Variants in SNX29 observed in about 807,000 individuals in gnomAD.
SNX29 encodes sorting nexin-29.
In SNX29, 78 loss-of-function variants were observed where a neutral mutation model predicts 102.1. The ratio of observed to expected loss-of-function variants is 0.76; its 90% CI spans 0.64 to 0.92. The LOEUF is 0.92. Among genes scored for constraint, SNX29 ranks in the 40% least tolerant of loss-of-function variants. The probability of loss-of-function intolerance (pLI) is 0.00; values close to 1 mark genes in which losing one functional copy is unlikely to be tolerated. For missense variants in SNX29, 1,280 were observed against 1,061.7 expected (o/e 1.21, Z -2.86); for synonymous variants, 580 against 414.5 (o/e 1.40, Z -4.85).
chr16:12,244,692 A>G (rs192420260), intron 14 of SNX29, among the ~76,000 whole-genome samples: 2 of 152,252 alleles, frequency 1.3e-5, no homozygotes, highest in African/African-American at 4.8e-5. Flanking sequence ...TCTTTTCAGT[A>G]CTGATCAGAG....
chr16:12,424,977 A>G (rs1464064054), intron 18 of SNX29, among the ~76,000 whole-genome samples: 2 of 152,278 alleles, frequency 1.3e-5, no homozygotes, highest in Non-Finnish European at 2.9e-5. Context: ...GGGTACATTC[A>G]CACAGTGGAA....
At chr16:12,533,018 T>A (rs2076973510) in intron 20 of SNX29, among the ~76,000 whole-genome samples, 1 of 151,536 alleles carries the variant, frequency 6.6e-6, no homozygotes, top group Admixed American at 6.6e-5. Context: ...GTGGGGAGAG[T>A]GCCACCAACA....
At position 12,351,623 on chromosome 16, in the gene SNX29, A is replaced by G. The variant is rs192162262; in HGVS notation, c.1783-4540A>G. Among the ~76,000 whole-genome samples the G allele has an allele frequency of 1.5e-3, 228 of 152,326 alleles. 2 individuals carry two copies. The highest frequency in any genetic ancestry group is 3.5e-3 in the South Asian group (17 of 4,824). ...TCCTTTTCTGATTTGGCAGGTAATTATGATAATTCCTGGTATTTTTACAGA... is the reference window on the plus strand; with the variant it reads ...TCCTTTTCTGATTTGGCAGGTAATTGTGATAATTCCTGGTATTTTTACAGA... On this transcript the variant is annotated intron_variant, in intron 15 of 20. Transcript: ENST00000566228.
chr16:12,119,291 G>A (rs1259279968), intron 11 of SNX29, among the ~76,000 whole-genome samples: 1 of 152,188 alleles, frequency 6.6e-6, no homozygotes, highest in Non-Finnish European at 1.5e-5. Flanking sequence ...CTTTTGGGAT[G>A]CCTGCCTTAA....
At chr16:12,023,901 A>G (rs754305372) in intron 3 of SNX29, among the ~76,000 whole-genome samples, 1 of 152,162 alleles carries the variant, frequency 6.6e-6, no homozygotes, top group Non-Finnish European at 1.5e-5. Context: ...TCTCCCACCA[A>G]AATGTACATC....
chr16:12,089,849 G>C (rs768208510), intron 11 of SNX29: 2 of 400,430 alleles, frequency 5.0e-6, no homozygotes, highest in South Asian at 1.8e-5. Flanking sequence ...GTCCTTCACT[G>C]CTCCTTCCCT....
chr16:12,546,717 G>C (rs988806195), intron 20 of SNX29: 1 of 152,088 alleles, frequency 6.6e-6, no homozygotes, highest in Non-Finnish European at 1.5e-5. Flanking sequence ...CTATTATTTT[G>C]ACTAGAAAAC....
At chr16:12,558,770 G>C (rs559340115) in intron 20 of SNX29, among the ~76,000 whole-genome samples, 13 of 152,316 alleles carry the variant, frequency 8.5e-5, no homozygotes, top group African/African-American at 3.1e-4. Flanking sequence ...TGATCATCCC[G>C]CATTGTACAA....
At chr16:12,049,019 G>T (rs1261726522) in intron 7 of SNX29, among the ~76,000 whole-genome samples, 2 of 152,162 alleles carry the variant, frequency 1.3e-5, no homozygotes, top group Non-Finnish European at 2.9e-5. Flanking sequence ...GGTGTGGGTG[G>T]GTAGTTCATG....
rs1451757813 is a variant in SNX29, at chr16:12,489,172, C to G, written c.2178+11313C>G. Among the ~76,000 whole-genome samples, 3 of 152,180 alleles carry G rather than the reference C, an allele frequency of 2.0e-5. No homozygotes were observed. In the East Asian group the frequency reaches 5.8e-4, roughly 29 times the overall value. Reference sequence around the variant, plus strand: ...CTTTTGAGTAGTTGGAGAATAATTGCTACCTTTCCCTTCAGTATTCTCATT... The same window carrying G: ...CTTTTGAGTAGTTGGAGAATAATTGGTACCTTTCCCTTCAGTATTCTCATT... On this transcript the variant is annotated intron_variant, in intron 19 of 20. Coordinates refer to ENST00000566228, the MANE Select transcript of SNX29 (RefSeq NM_032167.5).
intron 18 of SNX29, among the ~76,000 whole-genome samples, chr16:12,470,009 G>A (rs767133390): frequency 6.6e-5 from 10 of 152,152 alleles, no homozygotes; most frequent in East Asian, 1.9e-4. Flanking sequence ...GCAAAACTCC[G>A]TCTCAAAAAA....
intron 17 of SNX29, among the ~76,000 whole-genome samples, chr16:12,402,737 G>A (rs868670554): frequency 1.3e-5 from 2 of 152,244 alleles, no homozygotes; most frequent in African/African-American, 2.4e-5. Context: ...GGAGCTGTGC[G>A]TGGTAGGTGC....
intron 11 of SNX29, among the ~76,000 whole-genome samples, chr16:12,109,603 G>T (rs565012085): frequency 1.3e-4 from 20 of 152,234 alleles, no homozygotes; most frequent in Middle Eastern, 3.4e-3. Flanking sequence ...GGACCCTCAT[G>T]CATGCACCAC....
Position 12,483,114 on chromosome 16 carries a change from G to GTTTTTGTTTTTTTTTT in SNX29, c.2178+5260_2178+5261insGTTTTTTTTTTTTTTT, listed in dbSNP as rs71139598. ...AATAGATACATATTGAAGTTATTAA[G>GTTTTTGTTTTTTTTTT]TTTTTTTTTTTTTTTTTTTTTTTTT... On this transcript the variant is annotated intron_variant, in intron 19 of 20. Coordinates refer to ENST00000566228, the MANE Select transcript of SNX29 (RefSeq NM_032167.5). 1.1e-3 allele frequency among the ~76,000 whole-genome samples: 70 copies of GTTTTTGTTTTTTTTTT among 66,210 alleles called. 7 individuals are homozygous for GTTTTTGTTTTTTTTTT. The highest frequency in any genetic ancestry group is 3.8e-3 in the East Asian group (9 of 2,380). 43.4% of individuals were successfully genotyped at this position (66,210 alleles called of 152,430 possible).
At chr16:12,433,944 T>A (rs2085422177) in intron 18 of SNX29, among the ~76,000 whole-genome samples, 1 of 152,216 alleles carries the variant, frequency 6.6e-6, no homozygotes, top group Admixed American at 6.5e-5. Context: ...AGGGTCAGTC[T>A]CCTCTGCTTA....
At chr16:12,340,391 T>C (rs1310385123) in intron 15 of SNX29, among the ~76,000 whole-genome samples, 1 of 152,126 alleles carries the variant, frequency 6.6e-6, no homozygotes, top group African/African-American at 2.4e-5. Context: ...CCTTGAGCTC[T>C]AGGATGTAAG....
At chr16:12,560,802 G>A (rs1488018935) in intron 20 of SNX29, 1 of 178,210 alleles carries the variant, frequency 5.6e-6, no homozygotes, top group Non-Finnish European at 1.2e-5. Context: ...CTTAAGATTA[G>A]GATGGTAATT....
At chr16:12,398,570 G>C in intron 17 of SNX29, 69 bp downstream of exon 17, 1 of 1,551,538 alleles carries the variant, frequency 6.4e-7, no homozygotes, top group African/African-American at 1.4e-5. Flanking sequence ...TTCTGTCCCA[G>C]AAGACCACAG....
Position 12,321,732 on chromosome 16 carries a change from A to G in SNX29, c.1783-34431A>G, listed in dbSNP as rs143348567. Among the ~76,000 whole-genome samples, 576 of 152,258 alleles carry G rather than the reference A, an allele frequency of 3.8e-3. 4 individuals carry two copies. Among genetic ancestry groups the G allele is most frequent in the African/African-American group, 0.013 (548 of 41,544 alleles). On this transcript the variant is annotated intron_variant, in intron 15 of 20. Coordinates refer to ENST00000566228, the MANE Select transcript of SNX29 (RefSeq NM_032167.5). ...GTCTTATGAGGGCCCCGGGGAGAAG[A>G]AACTTGGGCCCAAACAGATGGCAGG...
Sources: allele counts gnomAD v4.1 joint callset (sites outside exome capture counted in the v4.1 genomes callset), GRCh38; gene constraint gnomAD v4.1.1; transcripts MANE v1.5; gene names NCBI Gene and HGNC (gene_info 2026-07-23, HGNC 2026-07-21).